Variants in PCSK5 observed in about 807,000 individuals in gnomAD.
The protein encoded by PCSK5 is proprotein convertase subtilisin/kexin type 5, also known as prohormone convertase 5.
Under a neutral mutation model 233.2 loss-of-function variants are expected in PCSK5, and 129 were observed. The observed-to-expected ratio is 0.55, with a 90% CI of 0.48 to 0.64. The LOEUF (loss-of-function observed/expected upper bound fraction) is 0.64. Among genes scored for constraint, PCSK5 ranks in the 30% least tolerant of loss-of-function variants. The pLI is 0.00. For synonymous variants in PCSK5, 825 were observed against 879.2 expected (o/e 0.94, Z 1.09); for missense variants, 2,076 against 2,430.1 (o/e 0.85, Z 3.06).
At chr9:76,350,584 C>T (rs1230444593) in intron 35 of PCSK5, among the ~76,000 whole-genome samples, 2 of 152,184 alleles carry the variant, frequency 1.3e-5, no homozygotes, top group Non-Finnish European at 2.9e-5. Flanking sequence ...ACTCTTTCCT[C>T]TTGCTGTAAT....
At chr9:76,340,894 A>G (rs751119118) in intron 35 of PCSK5, among the ~76,000 whole-genome samples, 1 of 151,402 alleles carries the variant, frequency 6.6e-6, no homozygotes, top group Non-Finnish European at 1.5e-5. Flanking sequence ...TTTGTTTTCA[A>G]TTTAAGTGAC....
intron 2 of PCSK5, among the ~76,000 whole-genome samples, chr9:75,969,152 A>G (rs895997959): frequency 6.6e-6 from 1 of 152,210 alleles, no homozygotes; most frequent in African/African-American, 2.4e-5. Flanking sequence ...ACAAACGACA[A>G]TGAATCAACT....
chr9:76,172,483 A>T (rs189848220), intron 13 of PCSK5, among the ~76,000 whole-genome samples: 1 of 152,226 alleles, frequency 6.6e-6, no homozygotes, highest in Non-Finnish European at 1.5e-5. Context: ...TGAATTACAC[A>T]GGAAGGATAT....
chr9:75,897,159 T>A (rs1825841987), intron 1 of PCSK5, among the ~76,000 whole-genome samples: 1 of 152,130 alleles, frequency 6.6e-6, no homozygotes, highest in Non-Finnish European at 1.5e-5. Context: ...TTAGCTAAAA[T>A]AAGGCATAGG....
At chr9:76,174,863 G>C (rs1055384741) in intron 13 of PCSK5, 123 bp from the exon 14 acceptor site, 1 of 777,780 alleles carries the variant, frequency 1.3e-6, no homozygotes, top group African/African-American at 1.7e-5. Context: ...TTGATGTAGT[G>C]ATTGATATCC....
chr9:76,045,362 T>C lies in PCSK5; in HGVS notation c.632+18325T>C, dbSNP rs561257568. Among the ~76,000 whole-genome samples, 12 of 152,308 alleles carry C rather than the reference T, an allele frequency of 7.9e-5. No homozygotes were observed. The South Asian group carries it at 2.5e-3, about 32-fold the overall frequency. On this transcript the variant is annotated intron_variant, in intron 5 of 37. Transcript: ENST00000674117. ...TCAACATTCTTATTCAAAAATTTGA[T>C]CTACCTTGTTTTCACCAGTTGGTGA...
At chr9:76,270,432 C>G (rs760720322) in intron 24 of PCSK5, among the ~76,000 whole-genome samples, 1 of 152,170 alleles carries the variant, frequency 6.6e-6, no homozygotes, top group Non-Finnish European at 1.5e-5. Flanking sequence ...AATGCCCACT[C>G]CCTTTGGCTC....
intron 32 of PCSK5, 73 bp from the exon 33 acceptor site, chr9:76,327,936 C>T: frequency 1.1e-6 from 1 of 903,586 alleles, no homozygotes; most frequent in Non-Finnish European, 1.9e-6. Context: ...AGACCCTTTC[C>T]CAGGGGAAGC....
chr9:76,133,385 G>C (rs1442747958), intron 9 of PCSK5, among the ~76,000 whole-genome samples: 1 of 151,994 alleles, frequency 6.6e-6, no homozygotes, highest in African/African-American at 2.4e-5. Flanking sequence ...ATTATGATTA[G>C]CATTGCAGTT....
At chr9:76,008,201 G>A (rs868785061) in intron 3 of PCSK5, among the ~76,000 whole-genome samples, 3 of 152,076 alleles carry the variant, frequency 2.0e-5, no homozygotes, top group Non-Finnish European at 4.4e-5. Flanking sequence ...GTGATCTCAA[G>A]AGCGGGTTCT....
At chr9:76,358,445 A>G in intron 37 of PCSK5, 68 bp from the exon 38 acceptor site, 1 of 1,230,990 alleles carries the variant, frequency 8.1e-7, no homozygotes, top group East Asian at 2.4e-5. Flanking sequence ...CTCAGAAACT[A>G]ATTTTCTCTA....
intron 1 of PCSK5, among the ~76,000 whole-genome samples, chr9:75,919,036 C>G (rs1223132168): frequency 6.6e-6 from 1 of 152,146 alleles, no homozygotes; most frequent in East Asian, 1.9e-4. Context: ...TTGACAAATG[C>G]GTATGGTTGT....
chr9:76,057,743 C>G (rs1829872010), intron 5 of PCSK5, among the ~76,000 whole-genome samples: 1 of 151,256 alleles, frequency 6.6e-6, no homozygotes, highest in Non-Finnish European at 1.5e-5. Context: ...CAAGTTAGCT[C>G]TTCCATATTT....
chr9:75,973,002 C>T (rs1028138010), intron 2 of PCSK5, among the ~76,000 whole-genome samples: 1 of 152,050 alleles, frequency 6.6e-6, no homozygotes, highest in Non-Finnish European at 1.5e-5. Flanking sequence ...TTTATGTCAT[C>T]AGGGTTCTTG....
chr9:76,269,854 T>G (rs1362476168), intron 24 of PCSK5, among the ~76,000 whole-genome samples: 2 of 152,204 alleles, frequency 1.3e-5, no homozygotes, highest in Non-Finnish European at 2.9e-5. Flanking sequence ...AGGCCAAGGC[T>G]CCAAACCTAG....
At chr9:75,984,270 G>A (rs1826405408) in intron 2 of PCSK5, among the ~76,000 whole-genome samples, 1 of 152,130 alleles carries the variant, frequency 6.6e-6, no homozygotes, top group Non-Finnish European at 1.5e-5. Flanking sequence ...AATATTTATA[G>A]TGTCCTTCTA....
intron 5 of PCSK5, among the ~76,000 whole-genome samples, chr9:76,046,639 C>T (rs1194831945): frequency 7.0e-6 from 1 of 143,072 alleles, no homozygotes; most frequent in East Asian, 2.0e-4. Context: ...CGGCTCACTG[C>T]AAGCTCTGCC....
In PCSK5 at chr9:76,307,692, T is replaced by C. The variant is rs538120962; in HGVS notation, c.3605-953T>C. Among the ~76,000 whole-genome samples, 5 of 152,220 alleles carry C rather than the reference T, an allele frequency of 3.3e-5. No individual in the cohort carries two copies. The East Asian group carries it at 5.8e-4, about 18-fold the overall frequency. ...AACAAGAAAGCCTGTGAGTAGGGGA[T>C]AATTTTGATGTTTAACAATGATTTG... is the stretch of plus-strand genomic sequence containing the variant. On this transcript the variant is annotated intron_variant, in intron 28 of 37. Transcript: ENST00000674117.
chr9:76,033,616 G>A (rs1828738385), intron 5 of PCSK5, among the ~76,000 whole-genome samples: 1 of 151,998 alleles, frequency 6.6e-6, no homozygotes, highest in African/African-American at 2.4e-5. Flanking sequence ...TCCATATACA[G>A]CTGTCTTAGT....
Sources: gnomAD v4.1 joint callset for allele counts (sites outside exome capture counted in the v4.1 genomes callset) on GRCh38, gnomAD v4.1.1 for gene constraint, MANE v1.5 for transcripts, NCBI Gene and HGNC (gene_info 2026-07-23, HGNC 2026-07-21) for gene names.